Variants in DHRS9 observed in about 807,000 individuals in gnomAD.
DHRS9 encodes dehydrogenase/reductase SDR family member 9.
A neutral mutation model predicts 26.6 loss-of-function variants in DHRS9; 18 were observed. The observed-to-expected ratio is 0.68, with a 90% CI of 0.47 to 1.00. DHRS9 has a LOEUF of 1.00. DHRS9 is among the 50% of genes least tolerant of loss of function. DHRS9 has a pLI of 0.00. For missense variants in DHRS9, 425 were observed against 378.7 expected, an observed-to-expected ratio of 1.12 and a Z score of -1.01; for synonymous variants, 134 against 141.1, an observed-to-expected ratio of 0.95 and a Z score of 0.36.
chr2:169,084,663 G>T (rs945273015), intron 3 of DHRS9, among the ~76,000 whole-genome samples: 1 of 151,946 alleles, frequency 6.6e-6, no homozygotes, highest in Admixed American at 6.6e-5. Context: ...CAGATCTTTT[G>T]CCCATTATAA....
At chr2:169,068,314 A>G (rs1683704855), upstream of DHRS9, among the ~76,000 whole-genome samples, 1 of 152,170 alleles carries the variant, frequency 6.6e-6, no homozygotes, top group African/African-American at 2.4e-5. Flanking sequence ...AGTAAATTTC[A>G]GTTTGTTTGT....
In DHRS9 at chr2:169,095,907, C is replaced by A; in HGVS notation, c.*140C>A. On this transcript the variant is annotated 3_prime_UTR_variant, in exon 5 of 5. Transcript: ENST00000674881. ...TTATTTGGATTGCAAAAGGGAGTCC[C>A]ACCATCGCTGGTGGTATCCCAGGGT... 1.3e-6 allele frequency: 1 copy of A among 769,206 alleles called. No individual in the cohort carries two copies. Among genetic ancestry groups the A allele is most frequent in the Non-Finnish European group, 2.1e-6 (1 of 473,598 alleles). The allele number at this position is 769,206 out of a possible 1,614,324, so 47.6% of individuals were successfully genotyped here. A position where few individuals can be genotyped will look rare whatever the true frequency, so the allele number is the denominator to read the frequency against.
At chr2:169,079,983 G>GAGAAAGAAAGAA (rs1279888912) in intron 1 of DHRS9, among the ~76,000 whole-genome samples, 1,461 of 46,846 alleles carry the variant, frequency 0.031, 63 homozygotes, top group Non-Finnish European at 0.033. Flanking sequence ...GAGAGAGAGA[G>GAGAAAGAAAGAA]AGAAAGAAAG....
intron 1 of DHRS9, among the ~76,000 whole-genome samples, chr2:169,079,983 G>GAGAAAGAA (rs1279888912): frequency 0.073 from 3,446 of 46,938 alleles, 244 homozygotes; most frequent in Middle Eastern, 0.17. Flanking sequence ...GAGAGAGAGA[G>GAGAAAGAA]AGAAAGAAAG....
At chr2:169,081,979 A>G (rs1684207086) in intron 2 of DHRS9, 85 bp downstream of exon 2, 5 of 1,356,448 alleles carry the variant, frequency 3.7e-6, no homozygotes, top group Non-Finnish European at 5.0e-6. Context: ...CTCAAGTTTT[A>G]AATGGCCTTT....
rs551333118 is a variant in DHRS9, at chr2:169,078,116, C to G, written c.-59-3407C>G. On this transcript the variant is annotated intron_variant, in intron 1 of 4. Transcript: ENST00000674881. The stretch of plus-strand genomic sequence containing the variant: ...TCCTATAGTGGAAGGACACAGCACT[C>G]TAGTCCCAGTGACCTTGGCAAATCA... Among the ~76,000 whole-genome samples the G allele has an allele frequency of 1.1e-4, 17 of 152,340 alleles. No homozygotes were observed. The South Asian group carries it at 2.5e-3, about 22-fold the overall frequency.
intron 1 of DHRS9, among the ~76,000 whole-genome samples, chr2:169,079,080 C>T (rs1684061639): frequency 6.6e-6 from 1 of 151,946 alleles, no homozygotes; most frequent in South Asian, 2.1e-4. Context: ...AACTCCAGAC[C>T]TTGTGATCTG....
chr2:169,069,357 C>G, upstream of DHRS9: 29 of 925,524 alleles, frequency 3.1e-5, no homozygotes, highest in Non-Finnish European at 3.5e-5. Flanking sequence ...AGAGATTGTA[C>G]TAATCATAAA....
rs1215668846 is a variant in DHRS9 at position 169,092,064 on chromosome 2, A to T, written c.736+111A>T. On this transcript the variant is annotated intron_variant, in intron 4 of 4. Coordinates refer to ENST00000674881, the MANE Select transcript of DHRS9 (RefSeq NM_001376924.1). ...GGTTCTGAGTAATACCCCAATAAGGATCTTAACCATGGATCAGGGATCTCC... is the reference window on the plus strand; with the variant it reads ...GGTTCTGAGTAATACCCCAATAAGGTTCTTAACCATGGATCAGGGATCTCC... 5.1e-6 allele frequency: 6 copies of T among 1,180,490 alleles called. 1 individual carries two copies. Among genetic ancestry groups the T allele is most frequent in the East Asian group, 2.6e-5 (1 of 38,946 alleles). The allele number at this position is 1,180,490 out of a possible 1,614,324, so 73.1% of individuals were successfully genotyped here. A position where few individuals can be genotyped will look rare whatever the true frequency, so the allele number is the denominator to read the frequency against.
intron 1 of DHRS9, among the ~76,000 whole-genome samples, chr2:169,078,329 A>C (rs893734550): frequency 1.3e-5 from 2 of 151,940 alleles, no homozygotes; most frequent in African/African-American, 4.8e-5. Flanking sequence ...AAAACTTCCA[A>C]CTCTCTGCTC....
intron 3 of DHRS9, among the ~76,000 whole-genome samples, chr2:169,087,561 T>C (rs1458230809): frequency 6.6e-6 from 1 of 151,972 alleles, no homozygotes; most frequent in African/African-American, 2.4e-5. Context: ...ACAAGGAGTC[T>C]CCCCCTATAG....
At chr2:169,080,620 C>T (rs190888542) in intron 1 of DHRS9, among the ~76,000 whole-genome samples, 14 of 152,350 alleles carry the variant, frequency 9.2e-5, no homozygotes, top group Admixed American at 8.5e-4. Context: ...GGAAAGAAAG[C>T]CCTCTACCTG....
intron 2 of DHRS9, among the ~76,000 whole-genome samples, chr2:169,082,977 CA>C (rs1684238386): frequency 6.6e-6 from 1 of 152,062 alleles, no homozygotes; most frequent in Admixed American, 6.5e-5. Flanking sequence ...CACATGTATA[CA>C]TATGTAACAA....
chr2:169,081,730 A>G lies in DHRS9; in HGVS notation c.149A>G (p.Asp50Gly). The G allele has an allele frequency of 6.2e-7, 1 of 1,614,206 alleles. No homozygotes were observed. Among genetic ancestry groups the G allele is most frequent in the Non-Finnish European group, 8.5e-7 (1 of 1,180,030 alleles). Reference protein sequence around the residue: ...GFGNLAARTFDKKGFHVIAAC... With the variant: ...GFGNLAARTFGKKGFHVIAAC... Reference sequence around the variant, plus strand: ...GGAAACTTGGCAGCCAGAACTTTTGATAAAAAGGGATTTCATGTAATCGCT... The same window carrying G: ...GGAAACTTGGCAGCCAGAACTTTTGGTAAAAAGGGATTTCATGTAATCGCT... The change falls in exon 2 of 5, where the codon GAT becomes GGT. Residue 50 changes from aspartate to glycine, a missense_variant. By Grantham distance (94) the Asp-to-Gly change is moderately conservative (BLOSUM62 -1). Coordinates refer to ENST00000674881, the MANE Select transcript of DHRS9 (RefSeq NM_001376924.1).
upstream of DHRS9, among the ~76,000 whole-genome samples, chr2:169,068,333 TTTTG>T (rs1317796287): frequency 6.6e-6 from 1 of 152,162 alleles, no homozygotes; most frequent in Non-Finnish European, 1.5e-5. Flanking sequence ...GTTTGTTTGT[TTTTG>T]TTTGTTTTGA....
chr2:169,074,234 T>G, intron 1 of DHRS9: 2 of 970,184 alleles, frequency 2.1e-6, no homozygotes, highest in Non-Finnish European at 2.5e-6. Context: ...CCAAGGTAGA[T>G]GTTGTATTTC....
intron 3 of DHRS9, among the ~76,000 whole-genome samples, chr2:169,087,160 A>G (rs1210555314): frequency 6.6e-6 from 1 of 152,150 alleles, no homozygotes; most frequent in Non-Finnish European, 1.5e-5. Flanking sequence ...CTGGTAATCT[A>G]TTCTACTGTG....
intron 3 of DHRS9, among the ~76,000 whole-genome samples, chr2:169,084,047 T>G (rs1476382051): frequency 6.6e-6 from 1 of 152,168 alleles, no homozygotes; most frequent in African/African-American, 2.4e-5. Flanking sequence ...TCCATGAGTT[T>G]GTTTTAATTT....
chr2:169,078,266 C>T (rs942247727), intron 1 of DHRS9, among the ~76,000 whole-genome samples: 9 of 152,182 alleles, frequency 5.9e-5, no homozygotes, highest in African/African-American at 2.2e-4. Flanking sequence ...TAATGTATGA[C>T]ATTATTTTAC....
Sources: gnomAD v4.1 joint callset for allele counts (sites outside exome capture counted in the v4.1 genomes callset) on GRCh38, gnomAD v4.1.1 for gene constraint, MANE v1.5 for transcripts, NCBI Gene and HGNC (gene_info 2026-07-23, HGNC 2026-07-21) for gene names.